ZIM2: variants seen among roughly 807,000 people sequenced by gnomAD.
ZIM2 encodes the protein zinc finger protein 656.
Under a neutral mutation model 38.6 loss-of-function variants are expected in ZIM2, and 14 were observed. The observed-to-expected ratio is 0.36, with a 90% confidence interval of 0.24 to 0.57. The LOEUF is 0.57. Among genes scored for constraint, ZIM2 ranks in the 20% least tolerant of loss-of-function variants. The pLI is 0.81. For missense variants in ZIM2, 680 were observed against 695.1 expected (o/e 0.98, Z 0.24); for synonymous variants, 247 against 245.8 (o/e 1.00, Z -0.04).
chr19:56,789,784 A>G, intron 10 of ZIM2, 88 bp downstream of exon 10: 1 of 1,146,960 alleles, frequency 8.7e-7, no homozygotes, highest in Non-Finnish European at 1.2e-6. Context: ...GGAAATGAGT[A>G]TGTGGTTTAA....
intron 9 of ZIM2, among the ~76,000 whole-genome samples, chr19:56,792,549 AAAAAAAAAG>A (rs1184146257): frequency 2.0e-5 from 3 of 150,918 alleles, no homozygotes; most frequent in Non-Finnish European, 4.4e-5. Flanking sequence ...AAAAAAAAAA[AAAAAAAAAG>A]AGAAAACCAA....
At chr19:56,797,176 T>C (rs2047274549) in intron 9 of ZIM2, among the ~76,000 whole-genome samples, 1 of 152,142 alleles carries the variant, frequency 6.6e-6, no homozygotes, top group South Asian at 2.1e-4. Flanking sequence ...AATAGCTGGG[T>C]GTGGTGGTGC....
At chr19:56,779,531 A>G (rs976601734) in intron 11 of ZIM2, 59 bp from the exon 12 acceptor site, 7 of 1,506,564 alleles carry the variant, frequency 4.6e-6, no homozygotes, top group Non-Finnish European at 6.4e-6. Flanking sequence ...TTAGGTCCCA[A>G]AGACTCTGGA....
intron 9 of ZIM2, among the ~76,000 whole-genome samples, chr19:56,791,847 CCAGT>C (rs1423253327): frequency 6.6e-6 from 1 of 152,084 alleles, no homozygotes; most frequent in Non-Finnish European, 1.5e-5. Context: ...TTCTAAGATA[CCAGT>C]CAAATTTTGG....
At chr19:56,827,383 A>G (rs113630870) in intron 2 of ZIM2, among the ~76,000 whole-genome samples, 5 of 152,340 alleles carry the variant, frequency 3.3e-5, no homozygotes, top group African/African-American at 1.2e-4. Flanking sequence ...AAGCCATTGA[A>G]AAATGGAAGT....
At position 56,821,989 on chromosome 19, in the gene ZIM2, G is replaced by A. The variant is rs531795791; in HGVS notation, c.191-235C>T. 1.3e-4 allele frequency among the ~76,000 whole-genome samples: 20 copies of A among 152,240 alleles called. No individual in the cohort carries two copies. The East Asian group carries it at 2.9e-3, about 22-fold the overall frequency. On this transcript the variant is annotated intron_variant, in intron 6 of 12. Transcript: ENST00000629319. ...GCCTCATCCTTCTGCTCCCAGTCTC[G>A]GAGGTGGTTCAGATTGTGCCCAAGC...
intron 9 of ZIM2, chr19:56,816,311 T>C (rs1443044520): frequency 6.2e-7 from 1 of 1,614,160 alleles, no homozygotes; most frequent in Admixed American, 1.7e-5. Flanking sequence ...TCAAAGAGGT[T>C]CTTTCGAGAA....
intron 9 of ZIM2, chr19:56,812,155 CA>C (rs1379838918): frequency 2.1e-6 from 2 of 970,542 alleles, no homozygotes; most frequent in Non-Finnish European, 2.4e-6. Context: ...TTTTTCCAGC[CA>C]ACTCAAGGCC....
At chr19:56,826,639 A>C (rs12460321) in intron 2 of ZIM2, among the ~76,000 whole-genome samples, 176 bp from the exon 3 acceptor site, 1 of 152,302 alleles carries the variant, frequency 6.6e-6, no homozygotes, top group South Asian at 2.1e-4. Context: ...CAGACAGGAG[A>C]AATAAAAAGC....
intron 9 of ZIM2, among the ~76,000 whole-genome samples, chr19:56,805,766 G>A (rs2047729190): frequency 6.6e-6 from 1 of 152,202 alleles, no homozygotes; most frequent in Non-Finnish European, 1.5e-5. Context: ...AAAGGCTGAG[G>A]AGGTTTTCCA....
intron 9 of ZIM2, chr19:56,812,949 A>G (rs2059639338): frequency 8.1e-6 from 8 of 985,742 alleles, no homozygotes; most frequent in Non-Finnish European, 9.6e-6. Context: ...AGCCTTACAC[A>G]GTATTAGGTT....
At chr19:56,834,712 C>T (rs2061910874) in intron 2 of ZIM2, among the ~76,000 whole-genome samples, 2 of 152,166 alleles carry the variant, frequency 1.3e-5, no homozygotes, top group Non-Finnish European at 2.9e-5. Context: ...AGCACTGAGG[C>T]CAGGAATACA....
intron 5 of ZIM2, 93 bp from the exon 6 acceptor site, chr19:56,822,929 T>C: frequency 6.7e-7 from 1 of 1,487,358 alleles, no homozygotes; most frequent in Non-Finnish European, 9.1e-7. Flanking sequence ...AAAGAGATGC[T>C]ACCCTCTTCC....
chr19:56,822,932 C>A, intron 5 of ZIM2, 96 bp from the exon 6 acceptor site: 1 of 1,485,090 alleles, frequency 6.7e-7, no homozygotes, highest in South Asian at 1.2e-5. Context: ...GAGATGCTAC[C>A]CTCTTCCCAC....
In ZIM2 at chr19:56,836,322, G is replaced by A. The variant is rs140898913; in HGVS notation, c.-313-218C>T. On this transcript the variant is annotated intron_variant, in intron 1 of 12. Transcript: ENST00000629319. The stretch of plus-strand genomic sequence containing the variant: ...TGTACTCATAGACTTTCTCCAACAA[G>A]GTTACATCAAAGGCATTCAAGTCAA... 3.0e-4 allele frequency among the ~76,000 whole-genome samples: 46 copies of A among 152,214 alleles called. No homozygotes were observed. The South Asian group carries it at 4.1e-3, about 14-fold the overall frequency.
intron 12 of ZIM2, among the ~76,000 whole-genome samples, chr19:56,777,628 G>A (rs751211360): frequency 6.6e-6 from 1 of 152,196 alleles, no homozygotes; most frequent in Non-Finnish European, 1.5e-5. Context: ...TTAGCCACAT[G>A]TTGCTATCAA....
intron 7 of ZIM2, among the ~76,000 whole-genome samples, chr19:56,821,411 A>C (rs2060473761): frequency 6.6e-6 from 1 of 152,090 alleles, no homozygotes; most frequent in Non-Finnish European, 1.5e-5. Context: ...CAACCTACCA[A>C]GTGACACACA....
rs537620666 is a variant in ZIM2, at chr19:56,781,854, G to C, written c.739+99C>G. Reference sequence around the variant, plus strand: ...CCTCTGACCTGGGTTGAGACTCACTGACATGGTGAACCACCATTACTGATG... The same window carrying C: ...CCTCTGACCTGGGTTGAGACTCACTCACATGGTGAACCACCATTACTGATG... On this transcript the variant is annotated intron_variant, in intron 11 of 12. Transcript: ENST00000629319. 1.4e-5 allele frequency: 20 copies of C among 1,458,060 alleles called. No individual in the cohort carries two copies. In the African/African-American group the frequency reaches 2.7e-4, roughly 19 times the overall value. The allele number at this position is 1,458,060 out of a possible 1,614,324, so 90.3% of individuals were successfully genotyped here.
intron 9 of ZIM2, among the ~76,000 whole-genome samples, chr19:56,804,209 T>A (rs2146008018): frequency 6.6e-6 from 1 of 152,340 alleles, no homozygotes; most frequent in South Asian, 2.1e-4. Flanking sequence ...GTTTTCATAG[T>A]TATGCCCAGA....
Sources: gnomAD v4.1 joint callset for allele counts (sites outside exome capture counted in the v4.1 genomes callset) on GRCh38, gnomAD v4.1.1 for gene constraint, MANE v1.5 for transcripts, NCBI Gene and HGNC (gene_info 2026-07-23, HGNC 2026-07-21) for gene names.